HTR1D: variants seen among roughly 807,000 people sequenced by gnomAD.
HTR1D encodes 5-hydroxytryptamine receptor 1D, also known as 5-HT-1D.
HTR1D carries 18 observed loss-of-function variants against 21.1 expected under a neutral mutation model. The ratio of observed to expected loss-of-function variants is 0.85; its 90% CI spans 0.59 to 1.27. The LOEUF is 1.27. Among genes scored for constraint, HTR1D ranks in the 50% most tolerant of loss-of-function variants. The probability of loss-of-function intolerance (pLI) is 0.00; values close to 1 mark genes in which losing one functional copy is unlikely to be tolerated. For missense variants in HTR1D, 456 were observed against 481.4 expected (o/e 0.95, Z 0.49); for synonymous variants, 196 against 204.4 (o/e 0.96, Z 0.35).
intron 1 of HTR1D, among the ~76,000 whole-genome samples, chr1:23,197,548 T>A (rs1027329244): frequency 1.3e-5 from 2 of 151,794 alleles, no homozygotes; most frequent in Non-Finnish European, 2.9e-5. Flanking sequence ...CTGGCCAACA[T>A]GGTGAAACCC....
intron 1 of HTR1D, among the ~76,000 whole-genome samples, chr1:23,204,169 A>T (rs1415163872): frequency 6.6e-6 from 1 of 151,058 alleles, no homozygotes; most frequent in Non-Finnish European, 1.5e-5. Flanking sequence ...TCTGTCACCC[A>T]GGCTGGAGTG....
intron 1 of HTR1D, among the ~76,000 whole-genome samples, chr1:23,210,663 G>A (rs1337932447): frequency 6.6e-6 from 1 of 151,972 alleles, no homozygotes; most frequent in Non-Finnish European, 1.5e-5. Flanking sequence ...AGGAATTTGA[G>A]ATGAAAGAGA....
At chr1:23,202,389 GGCCAGCAAAA>G (rs1644713308) in intron 1 of HTR1D, among the ~76,000 whole-genome samples, 2 of 152,214 alleles carry the variant, frequency 1.3e-5, no homozygotes, top group Admixed American at 6.5e-5. Flanking sequence ...CACCGCACCT[GGCCAGCAAAA>G]GCTGGCCTCT....
chr1:23,215,191 T>G (rs367671307), intron 1 of HTR1D, among the ~76,000 whole-genome samples: 1 of 151,794 alleles, frequency 6.6e-6, no homozygotes, highest in South Asian at 2.1e-4. Context: ...CCAAGGAGGG[T>G]GGATTCTTTG....
chr1:23,200,994 T>C (rs1644707263), intron 1 of HTR1D, among the ~76,000 whole-genome samples: 2 of 152,068 alleles, frequency 1.3e-5, no homozygotes, highest in South Asian at 4.2e-4. Context: ...CTCTCCCAGC[T>C]CTGGCATCTC....
intron 1 of HTR1D, among the ~76,000 whole-genome samples, chr1:23,202,802 G>T (rs533139999): frequency 2.6e-5 from 4 of 152,068 alleles, no homozygotes; most frequent in African/African-American, 9.7e-5. Context: ...CTCCTGCATG[G>T]GACCTCCTAC....
At chr1:23,198,836 G>C (rs1262940688) in intron 1 of HTR1D, among the ~76,000 whole-genome samples, 1 of 152,138 alleles carries the variant, frequency 6.6e-6, no homozygotes, top group African/African-American at 2.4e-5. Context: ...ATAAAATTCA[G>C]GATAGTGGTT....
At chr1:23,195,388 G>A (rs996409514) in intron 1 of HTR1D, among the ~76,000 whole-genome samples, 1 of 150,728 alleles carries the variant, frequency 6.6e-6, no homozygotes, top group Non-Finnish European at 1.5e-5. Context: ...ATGGGGGGGG[G>A]TGGCCCTTTT....
intron 1 of HTR1D, among the ~76,000 whole-genome samples, chr1:23,212,946 C>T (rs1041524982): frequency 3.3e-5 from 5 of 152,074 alleles, no homozygotes; most frequent in African/African-American, 1.2e-4. Context: ...CCTGCCTCAG[C>T]CTCCCAAGCA....
intron 1 of HTR1D, among the ~76,000 whole-genome samples, chr1:23,210,516 C>T (rs745848167): frequency 3.3e-5 from 5 of 151,992 alleles, no homozygotes; most frequent in Non-Finnish European, 7.4e-5. Context: ...TCATCTAGTC[C>T]GACTCCCTCA....
chr1:23,196,814 T>A (rs1322422343), intron 1 of HTR1D, among the ~76,000 whole-genome samples: 1 of 152,034 alleles, frequency 6.6e-6, no homozygotes, highest in African/African-American at 2.4e-5. Flanking sequence ...GGTCCAGAGC[T>A]CTCAAGAAAT....
chr1:23,202,526 C>G (rs1391963931), intron 1 of HTR1D, among the ~76,000 whole-genome samples: 1 of 152,200 alleles, frequency 6.6e-6, no homozygotes, highest in Non-Finnish European at 1.5e-5. Flanking sequence ...GTCATAAAAC[C>G]TTGCCAGGAA....
chr1:23,195,269 T>C (rs937896074), intron 1 of HTR1D, among the ~76,000 whole-genome samples: 5 of 152,176 alleles, frequency 3.3e-5, no homozygotes, highest in African/African-American at 9.7e-5. Flanking sequence ...TCAGAAAGCA[T>C]CATTTTATTT....
chr1:23,216,875 G>A (rs1330145245), intron 1 of HTR1D, among the ~76,000 whole-genome samples: 1 of 152,140 alleles, frequency 6.6e-6, no homozygotes, highest in Non-Finnish European at 1.5e-5. Context: ...CCAGAGAGGG[G>A]AGGCCCCTCC....
Position 23,192,933 on chromosome 1 carries a change from A to C in HTR1D, c.*153T>G, listed in dbSNP as rs376587583. Reference sequence around the variant, plus strand: ...ACCCACAGCTCTTTCAGAAGTTAAGAAAACAACAGGAAAAAGAACAATTCT... The same window carrying C: ...ACCCACAGCTCTTTCAGAAGTTAAGCAAACAACAGGAAAAAGAACAATTCT... On this transcript the variant is annotated 3_prime_UTR_variant, in exon 2 of 2. Coordinates refer to ENST00000374619, the MANE Select transcript of HTR1D (RefSeq NM_000864.5). The C allele has an allele frequency of 8.9e-5, 38 of 426,610 alleles. 1 individual carries two copies. In the East Asian group the frequency reaches 1.5e-3, roughly 16 times the overall value. The allele number at this position is 426,610 out of a possible 1,614,324, so 26.4% of individuals were successfully genotyped here.
At chr1:23,203,384 G>C (rs1433887437) in intron 1 of HTR1D, among the ~76,000 whole-genome samples, 1 of 152,154 alleles carries the variant, frequency 6.6e-6, no homozygotes, top group Non-Finnish European at 1.5e-5. Context: ...AATGAGCAGG[G>C]CATGGTGGCT....
At chr1:23,208,096 T>C (rs1410543110) in intron 1 of HTR1D, among the ~76,000 whole-genome samples, 1 of 152,204 alleles carries the variant, frequency 6.6e-6, no homozygotes, top group East Asian at 1.9e-4. Context: ...ACTCACTATA[T>C]TCGCCCATGC....
intron 1 of HTR1D, among the ~76,000 whole-genome samples, chr1:23,205,704 C>T (rs544841728): frequency 6.6e-6 from 1 of 152,162 alleles, no homozygotes; most frequent in Admixed American, 6.5e-5. Context: ...CCACCAGGTC[C>T]AGCTAGTTTT....
At chr1:23,199,440 TTTTTTTTTTTTTTAGAG>T (rs1644701837) in intron 1 of HTR1D, among the ~76,000 whole-genome samples, 2 of 120,718 alleles carry the variant, frequency 1.7e-5, no homozygotes, top group African/African-American at 6.2e-5. Context: ...TTTTTTTTTT[TTTTTTTTTTTTTTAGAG>T]AGAGGGTCTT....
Sources: gnomAD v4.1 joint callset for allele counts (sites outside exome capture counted in the v4.1 genomes callset) on GRCh38, gnomAD v4.1.1 for gene constraint, MANE v1.5 for transcripts, NCBI Gene and HGNC (gene_info 2026-07-23, HGNC 2026-07-21) for gene names.